Variants in ZNF90 observed in about 807,000 individuals in gnomAD.
ZNF90 encodes zinc finger protein 90, also known as zinc finger protein HTF9.
ZNF90 carries 11 observed loss-of-function variants against 12.0 expected under a neutral mutation model. The observed-to-expected ratio is 0.92, with a 90% CI of 0.58 to 1.52. The LOEUF (loss-of-function observed/expected upper bound fraction) is 1.52, where lower values mean the gene tolerates loss of function less well. Ranked by LOEUF, ZNF90 falls within the 40% of genes most tolerant of loss-of-function variation. The pLI is 0.00. For missense variants in ZNF90, 765 were observed against 711.5 expected (o/e 1.08, Z -0.86); for synonymous variants, 232 against 240.1 (o/e 0.97, Z 0.31).
chr19:20,111,009 T>G (rs1599652534), intron 3 of ZNF90, among the ~76,000 whole-genome samples: 1 of 152,204 alleles, frequency 6.6e-6, no homozygotes, highest in African/African-American at 2.4e-5. Context: ...ATGCAGAAAT[T>G]TTGATGTCTA....
intron 1 of ZNF90, chr19:20,080,536 C>A: frequency 8.3e-6 from 2 of 242,138 alleles, no homozygotes; most frequent in Non-Finnish European, 1.8e-5. Context: ...CAAGAGATGC[C>A]CATCTCTCAG....
chr19:20,096,089 G>A (rs2122494773), intron 1 of ZNF90, among the ~76,000 whole-genome samples: 1 of 152,326 alleles, frequency 6.6e-6, no homozygotes, highest in Middle Eastern at 3.4e-3. Context: ...TTGAAATTAA[G>A]AGAAGGGAGA....
intron 1 of ZNF90, among the ~76,000 whole-genome samples, chr19:20,094,059 A>C (rs1051580441): frequency 6.6e-6 from 1 of 152,234 alleles, no homozygotes; most frequent in Non-Finnish European, 1.5e-5. Flanking sequence ...TCCTTGGCCC[A>C]GTGGCCAGAT....
intron 3 of ZNF90, chr19:20,106,835 G>T (rs1555704534): frequency 2.2e-6 from 1 of 452,458 alleles, no homozygotes; most frequent in African/African-American, 2.0e-5. Flanking sequence ...AATTGATAGT[G>T]AAGAGGGGTT....
chr19:20,096,347 C>A (rs187495194), intron 1 of ZNF90, among the ~76,000 whole-genome samples: 1 of 152,094 alleles, frequency 6.6e-6, no homozygotes, highest in Non-Finnish European at 1.5e-5. Context: ...CATGCATGTC[C>A]GTGTGAAGAG....
intron 1 of ZNF90, among the ~76,000 whole-genome samples, chr19:20,096,156 G>T (rs2088943456): frequency 6.6e-6 from 1 of 152,154 alleles, no homozygotes; most frequent in Non-Finnish European, 1.5e-5. Context: ...TAGTGAGGGA[G>T]GTTGGAGAAG....
intron 3 of ZNF90, among the ~76,000 whole-genome samples, chr19:20,113,582 C>A (rs990199707): frequency 1.3e-5 from 2 of 152,010 alleles, no homozygotes; most frequent in African/African-American, 4.8e-5. Context: ...GTAATCCCAG[C>A]ACTTTGGGAG....
rs375258830 is a variant in ZNF90 at position 20,108,184 on chromosome 19, C to G, written c.226+2868C>G. ...ATTAAAAGTTTCTCATTAGAATCTT[C>G]TATTTATAATTATGCTGCATATTCT... On this transcript the variant is annotated intron_variant, in intron 3 of 3. Transcript: ENST00000418063. Among the ~76,000 whole-genome samples the G allele has an allele frequency of 4.7e-4, 71 of 152,268 alleles. 1 individual carries two copies. In the South Asian group the frequency reaches 0.015, roughly 32 times the overall value.
At chr19:20,098,356 G>C (rs565235869) in intron 1 of ZNF90, among the ~76,000 whole-genome samples, 3 of 152,212 alleles carry the variant, frequency 2.0e-5, no homozygotes, top group Non-Finnish European at 4.4e-5. Flanking sequence ...TGGGAGTGTG[G>C]CATTTTGAGA....
intron 3 of ZNF90, among the ~76,000 whole-genome samples, chr19:20,110,863 A>G (rs2089082794): frequency 6.6e-6 from 1 of 152,092 alleles, no homozygotes; most frequent in Non-Finnish European, 1.5e-5. Flanking sequence ...CTATTTCTAA[A>G]TTAAGTTATT....
intron 1 of ZNF90, among the ~76,000 whole-genome samples, chr19:20,101,574 GT>G (rs1445043109): frequency 6.6e-6 from 1 of 152,160 alleles, no homozygotes. Flanking sequence ...ATCTCTAATT[GT>G]TTTTGAATCT....
intron 1 of ZNF90, among the ~76,000 whole-genome samples, chr19:20,086,295 C>T (rs1196317191): frequency 1.5e-5 from 2 of 132,770 alleles, no homozygotes; most frequent in East Asian, 2.3e-4. Context: ...AGTTCAGTGG[C>T]GTAATTTCAG....
chr19:20,117,937 G>C lies in ZNF90; in HGVS notation c.383G>C (p.Arg128Thr), dbSNP rs781915359. The change falls in exon 4 of 4, where the codon AGA (arginine) becomes ACA (threonine). Residue 128 changes from arginine (R) to threonine (T), a missense_variant. Physicochemically the swap from Arg to Thr is moderately conservative, Grantham distance 71. Coordinates refer to ENST00000418063, the MANE Select transcript of ZNF90 (RefSeq NM_007138.2). The stretch of plus-strand genomic sequence containing the variant: ...GTGGATGAGGGTAAAGTACACAAAA[G>C]AGGTTATAATGGACTTAACCAATGT... Reference protein sequence around the residue: ...ESVDEGKVHKRGYNGLNQCLT... With the variant: ...ESVDEGKVHKTGYNGLNQCLT... 6 of 1,613,512 alleles carry C rather than the reference G, an allele frequency of 3.7e-6. No homozygotes were observed. The highest frequency in any genetic ancestry group is 1.3e-5 in the African/African-American group (1 of 74,998).
intron 1 of ZNF90, among the ~76,000 whole-genome samples, chr19:20,090,556 C>G (rs560661487): frequency 9.2e-5 from 14 of 152,254 alleles, no homozygotes; most frequent in African/African-American, 3.4e-4. Context: ...AGGGTCCCGT[C>G]CATCGAGGTT....
rs10626180 is a variant in ZNF90 at position 20,108,731 on chromosome 19, C to CTTTTTT, written c.226+3428_226+3433dup. Among the ~76,000 whole-genome samples, 5 of 119,940 alleles carry CTTTTTT rather than the reference C, an allele frequency of 4.2e-5. 1 individual carries two copies. Among genetic ancestry groups the CTTTTTT allele is most frequent in the African/African-American group, 6.3e-5 (2 of 31,594 alleles). The allele number at this position is 119,940 out of a possible 152,430, so 78.7% of individuals were successfully genotyped here. A position where few individuals can be genotyped will look rare whatever the true frequency, so the allele number is the denominator to read the frequency against. ...GTGTGTTTCTTCAGTGTAGGTTTCT[C>CTTTTTT]TTTTTTTTTTTTTTTTTTGAGATGG... On this transcript the variant is annotated intron_variant, in intron 3 of 3. Coordinates refer to ENST00000418063, the MANE Select transcript of ZNF90 (RefSeq NM_007138.2).
chr19:20,095,178 C>T (rs1022067567), intron 1 of ZNF90, among the ~76,000 whole-genome samples: 11 of 151,968 alleles, frequency 7.2e-5, no homozygotes, highest in East Asian at 5.8e-4. Context: ...TGGGAGGAAT[C>T]GCATTGGGAA....
At chr19:20,110,829 C>T (rs1555705026) in intron 3 of ZNF90, among the ~76,000 whole-genome samples, 1 of 151,986 alleles carries the variant, frequency 6.6e-6, no homozygotes, top group Non-Finnish European at 1.5e-5. Flanking sequence ...CATTTGTGTA[C>T]TTTTCTAATG....
chr19:20,110,646 A>C (rs546671457), intron 3 of ZNF90, among the ~76,000 whole-genome samples: 1 of 152,252 alleles, frequency 6.6e-6, no homozygotes, highest in South Asian at 2.1e-4. Flanking sequence ...TTTGTTTTCC[A>C]CCAACGTTTA....
intron 1 of ZNF90, among the ~76,000 whole-genome samples, chr19:20,091,090 G>A (rs1030599097): frequency 3.3e-5 from 5 of 151,974 alleles, no homozygotes; most frequent in Admixed American, 1.3e-4. Flanking sequence ...AAATGACCGC[G>A]GTGGCCTTTC....
Sources: allele counts gnomAD v4.1 joint callset (sites outside exome capture counted in the v4.1 genomes callset), GRCh38; gene constraint gnomAD v4.1.1; transcripts MANE v1.5; gene names NCBI Gene and HGNC (gene_info 2026-07-23, HGNC 2026-07-21).